Variants in TRIM5 observed in about 807,000 individuals in gnomAD.
TRIM5 encodes the protein tripartite motif-containing protein 5.
TRIM5 carries 31 observed loss-of-function variants against 35.6 expected under a neutral mutation model. The ratio of observed to expected loss-of-function variants is 0.87; its 90% CI spans 0.65 to 1.18. The LOEUF is 1.18. TRIM5 is among the 50% of genes most tolerant of loss of function. The pLI is 0.00. For synonymous variants in TRIM5, 243 were observed against 215.6 expected (o/e 1.13, Z -1.11); for missense variants, 609 against 591.6 (o/e 1.03, Z -0.31).
chr11:5,645,439 T>C, the TRIM5 span, among the ~76,000 whole-genome samples: 1 of 149,374 alleles, frequency 6.7e-6, no homozygotes, highest in African/African-American at 2.5e-5. Flanking sequence ...GTTATATAGA[T>C]CACCAAAAAA....
intron 4 of TRIM5, chr11:5,677,803 A>T (rs1307799606): frequency 6.4e-6 from 1 of 156,010 alleles, no homozygotes; most frequent in African/African-American, 2.4e-5. Flanking sequence ...AAAATTAAAA[A>T]AAAAGGAAAA....
At chr11:5,640,627 T>C in the TRIM5 span, among the ~76,000 whole-genome samples, 1 of 152,180 alleles carries the variant, frequency 6.6e-6, no homozygotes, top group African/African-American at 2.4e-5. Flanking sequence ...GGTTCTTTTA[T>C]CAGGGTCCTT....
chr11:5,651,502 C>G, the TRIM5 span, among the ~76,000 whole-genome samples: 1 of 152,172 alleles, frequency 6.6e-6, no homozygotes, highest in African/African-American at 2.4e-5. Flanking sequence ...TCTAGCATTC[C>G]ATGGTGTATA....
At chr11:5,609,048 C>T in the TRIM5 span, among the ~76,000 whole-genome samples, 8 of 151,998 alleles carry the variant, frequency 5.3e-5, no homozygotes, top group East Asian at 1.4e-3. Context: ...GCCTTGCTCC[C>T]TAGTAGATTT....
the TRIM5 span, chr11:5,611,469 T>G: frequency 2.2e-6 from 2 of 889,490 alleles, no homozygotes; most frequent in Non-Finnish European, 3.5e-6. Flanking sequence ...TTGAATCTTT[T>G]TTGAGATGGA....
At chr11:5,654,086 A>G in the TRIM5 span, among the ~76,000 whole-genome samples, 3 of 151,832 alleles carry the variant, frequency 2.0e-5, no homozygotes, top group African/African-American at 4.8e-5. Flanking sequence ...TTTATTGCCT[A>G]CCTGTATTGT....
the TRIM5 span, among the ~76,000 whole-genome samples, chr11:5,657,430 G>A: frequency 1.4e-5 from 2 of 147,256 alleles, no homozygotes; most frequent in South Asian, 4.2e-4. Flanking sequence ...TGCACGTTCT[G>A]CACATGTATC....
chr11:5,608,668 G>T, the TRIM5 span, among the ~76,000 whole-genome samples: 2 of 151,744 alleles, frequency 1.3e-5, no homozygotes, highest in Non-Finnish European at 2.9e-5. Flanking sequence ...TCCAGCCTGG[G>T]AGACAAAGGG....
At chr11:5,642,731 C>T in the TRIM5 span, 1 of 1,564,460 alleles carries the variant, frequency 6.4e-7, no homozygotes, top group South Asian at 1.2e-5. Context: ...TATTCCCTTC[C>T]CCTGTCCCTA....
intron 6 of TRIM5, 70 bp from the exon 7 acceptor site, chr11:5,665,752 A>G: frequency 1.4e-6 from 2 of 1,476,998 alleles, no homozygotes; most frequent in South Asian, 1.6e-5. Flanking sequence ...TTTTCTCTCC[A>G]GATTAGGGAA....
the TRIM5 span, among the ~76,000 whole-genome samples, chr11:5,637,012 A>G: frequency 6.6e-6 from 1 of 152,132 alleles, no homozygotes; most frequent in Non-Finnish European, 1.5e-5. Context: ...CGGGCATTTT[A>G]TAATATACAA....
At chr11:5,666,705 A>G (rs1351558041) in intron 5 of TRIM5, among the ~76,000 whole-genome samples, 1 of 152,238 alleles carries the variant, frequency 6.6e-6, no homozygotes, top group African/African-American at 2.4e-5. Context: ...TGGCCTGAAT[A>G]TCGTGTGGTT....
chr11:5,603,027 T>C, the TRIM5 span, among the ~76,000 whole-genome samples: 2 of 152,146 alleles, frequency 1.3e-5, no homozygotes, highest in African/African-American at 4.8e-5. Context: ...CCTCAGTTTG[T>C]CTCTATTCAA....
intron 1 of TRIM5, among the ~76,000 whole-genome samples, chr11:5,680,770 G>A (rs7127617): frequency 0.53 from 80,357 of 151,356 alleles, 21,331 homozygotes; most frequent in Admixed American, 0.53. Context: ...TGCACTGTAC[G>A]TTTGCAATGA....
the TRIM5 span, among the ~76,000 whole-genome samples, chr11:5,652,041 A>G: frequency 6.6e-6 from 1 of 152,124 alleles, no homozygotes; most frequent in Non-Finnish European, 1.5e-5. Context: ...GAACCTATAT[A>G]TTAACCGTTT....
At chr11:5,626,286 C>CT in the TRIM5 span, among the ~76,000 whole-genome samples, 1,550 of 152,226 alleles carry the variant, frequency 0.01, 25 homozygotes, top group South Asian at 0.035. Flanking sequence ...AGCCTACATC[C>CT]AAATAGAAAG....
the TRIM5 span, chr11:5,596,229 G>C: frequency 6.6e-6 from 1 of 152,662 alleles, no homozygotes; most frequent in East Asian, 1.9e-4. Context: ...GTCCCCACTT[G>C]TCTGGAGAGT....
the TRIM5 span, chr11:5,642,389 A>C: frequency 1.9e-6 from 3 of 1,609,476 alleles, no homozygotes; most frequent in Non-Finnish European, 2.5e-6. Context: ...GGGTCAAAAA[A>C]TTTTTTTCAT....
chr11:5,603,497 G>A, the TRIM5 span: 1 of 1,614,134 alleles, frequency 6.2e-7, no homozygotes, highest in Admixed American at 1.7e-5. Context: ...TGCCAGACCA[G>A]CTACCAGCCA....
Sources: allele counts gnomAD v4.1 joint callset (sites outside exome capture counted in the v4.1 genomes callset), GRCh38; gene constraint gnomAD v4.1.1; transcripts MANE v1.5; gene names NCBI Gene and HGNC (gene_info 2026-07-23, HGNC 2026-07-21).